MACROD2: variants seen among roughly 807,000 people sequenced by gnomAD.
MACROD2 encodes ADP-ribose glycohydrolase MACROD2.
A neutral mutation model predicts 70.4 loss-of-function variants in MACROD2; 36 were observed. That is an observed-to-expected ratio of 0.51 (90% CI 0.39 to 0.68). The LOEUF (loss-of-function observed/expected upper bound fraction) is 0.68, where lower values mean the gene tolerates loss of function less well. MACROD2 is among the 30% of genes least tolerant of loss of function. The pLI, the probability that MACROD2 is intolerant of heterozygous loss-of-function variation, is 0.00. For missense variants in MACROD2, 496 were observed against 538.4 expected, an observed-to-expected ratio of 0.92 and a Z score of 0.78; for synonymous variants, 172 against 178.8, an observed-to-expected ratio of 0.96 and a Z score of 0.30.
chr20:15,898,154 C>T (rs759688802), intron 10 of MACROD2, among the ~76,000 whole-genome samples: 29 of 152,258 alleles, frequency 1.9e-4, no homozygotes, highest in Non-Finnish European at 3.4e-4. Flanking sequence ...AGGCAAATCT[C>T]CCACTATATT....
At chr20:14,825,746 G>C (rs1032041612) in intron 5 of MACROD2, among the ~76,000 whole-genome samples, 2 of 152,212 alleles carry the variant, frequency 1.3e-5, no homozygotes, top group Middle Eastern at 3.4e-3. Context: ...ACAATAACTT[G>C]TTTTATTCAT....
At chr20:14,901,114 GTTTCA>G (rs1399764742) in intron 5 of MACROD2, among the ~76,000 whole-genome samples, 1 of 151,924 alleles carries the variant, frequency 6.6e-6, no homozygotes, top group Non-Finnish European at 1.5e-5. Flanking sequence ...CATATTTTGA[GTTTCA>G]TTTCAAGACA....
chr20:15,417,615 AAG>A (rs766165126), intron 6 of MACROD2, among the ~76,000 whole-genome samples: 1,403 of 103,126 alleles, frequency 0.014, 24 homozygotes, highest in African/African-American at 0.031. Flanking sequence ...AAAAAAAAAA[AAG>A]AAAGAAAGAA....
At chr20:15,465,161 T>C (rs1189912884) in intron 7 of MACROD2, among the ~76,000 whole-genome samples, 1 of 152,222 alleles carries the variant, frequency 6.6e-6, no homozygotes, top group Non-Finnish European at 1.5e-5. Context: ...CACATTTATA[T>C]GTAGGAATTT....
chr20:14,868,072 A>G (rs1034189073), intron 5 of MACROD2, among the ~76,000 whole-genome samples: 2 of 152,046 alleles, frequency 1.3e-5, no homozygotes, highest in African/African-American at 4.8e-5. Context: ...CTAGAAACAT[A>G]TTAGCCATTC....
intron 5 of MACROD2, among the ~76,000 whole-genome samples, chr20:15,195,534 C>T (rs1260275662): frequency 1.3e-5 from 2 of 151,880 alleles, no homozygotes; most frequent in East Asian, 1.9e-4. Context: ...CAGTGAGATA[C>T]CATCTGATGC....
intron 5 of MACROD2, chr20:14,757,438 TA>T: frequency 4.7e-6 from 2 of 423,758 alleles, no homozygotes; most frequent in Non-Finnish European, 8.5e-6. Context: ...TTCAAAAGAT[TA>T]AAAAGTACAA....
chr20:15,524,019 G>A (rs1385919954), intron 8 of MACROD2, among the ~76,000 whole-genome samples: 5 of 152,130 alleles, frequency 3.3e-5, no homozygotes, highest in Non-Finnish European at 5.9e-5. Flanking sequence ...CCTGCTGTAT[G>A]TACCTCGCCC....
At chr20:15,649,983 A>T (rs2049619562) in intron 8 of MACROD2, among the ~76,000 whole-genome samples, 1 of 152,222 alleles carries the variant, frequency 6.6e-6, no homozygotes, top group Non-Finnish European at 1.5e-5. Context: ...AAACATACCC[A>T]TGACTATTTA....
intron 3 of MACROD2, among the ~76,000 whole-genome samples, chr20:14,118,842 A>AT (rs1225541555): frequency 0.022 from 2,714 of 121,216 alleles, 65 homozygotes; most frequent in African/African-American, 0.05. Flanking sequence ...AGTGACTGTG[A>AT]TTTTTTTTTT....
In MACROD2 at chr20:15,694,133, G is replaced by T. The variant is rs893205328; in HGVS notation, c.646-168612G>T. Among the ~76,000 whole-genome samples, 18 of 152,238 alleles carry T rather than the reference G, an allele frequency of 1.2e-4. No individual in the cohort carries two copies. In the East Asian group the frequency reaches 3.5e-3, roughly 29 times the overall value. ...TTGTTGATTGATGGGCATTTTGGTT[G>T]GTTGCACGGTTTTGCTGTTGTGAAT... is the stretch of plus-strand genomic sequence containing the variant. On this transcript the variant is annotated intron_variant, in intron 8 of 17. Transcript: ENST00000684519.
chr20:15,220,832 G>A (rs2076854038), intron 5 of MACROD2, among the ~76,000 whole-genome samples: 1 of 152,192 alleles, frequency 6.6e-6, no homozygotes, highest in Non-Finnish European at 1.5e-5. Context: ...GACCTGTTTG[G>A]TGAGAGTCAT....
chr20:14,248,359 G>A (rs1361167194), intron 3 of MACROD2, among the ~76,000 whole-genome samples: 3 of 152,230 alleles, frequency 2.0e-5, no homozygotes, highest in Non-Finnish European at 2.9e-5. Context: ...CGAGGCAGGT[G>A]GATCACCTGA....
intron 8 of MACROD2, among the ~76,000 whole-genome samples, chr20:15,519,182 C>T (rs1049831256): frequency 1.3e-5 from 2 of 151,912 alleles, no homozygotes; most frequent in African/African-American, 4.8e-5. Flanking sequence ...ACGACCTCGG[C>T]TCACTGCAAG....
chr20:14,929,047 T>A (rs2074267204), intron 5 of MACROD2, among the ~76,000 whole-genome samples: 1 of 152,204 alleles, frequency 6.6e-6, no homozygotes, highest in South Asian at 2.1e-4. Context: ...ACTAATTAAT[T>A]GCTGACTTTT....
Position 15,616,723 on chromosome 20 carries a change from G to A in MACROD2, c.645+116876G>A, listed in dbSNP as rs181836698. Among the ~76,000 whole-genome samples, 25 of 152,096 alleles carry A rather than the reference G, an allele frequency of 1.6e-4. 1 individual carries two copies. In the East Asian group the frequency reaches 3.1e-3, roughly 19 times the overall value. On this transcript the variant is annotated intron_variant, in intron 8 of 17. Transcript: ENST00000684519. ...TATACAATCTTCTCTACCATCCCTC[G>A]TGCTAGTAAAACTCTTCTTCCAGTT...
chr20:14,180,516 G>T, intron 3 of MACROD2, among the ~76,000 whole-genome samples: 1 of 151,980 alleles, frequency 6.6e-6, no homozygotes, highest in East Asian at 1.9e-4. Flanking sequence ...TTTTGTTGCA[G>T]TTTTCTTTTT....
At chr20:14,938,076 C>A (rs565248744) in intron 5 of MACROD2, among the ~76,000 whole-genome samples, 1 of 125,524 alleles carries the variant, frequency 8.0e-6, no homozygotes, top group South Asian at 2.7e-4. Context: ...ACCATATTTT[C>A]TTTATCCAGT....
At chr20:15,628,755 G>A (rs566958608) in intron 8 of MACROD2, among the ~76,000 whole-genome samples, 1 of 152,346 alleles carries the variant, frequency 6.6e-6, no homozygotes, top group East Asian at 1.9e-4. Context: ...ATGACTGAAA[G>A]TCTGGGTTCA....
Sources: allele counts gnomAD v4.1 joint callset (sites outside exome capture counted in the v4.1 genomes callset), GRCh38; gene constraint gnomAD v4.1.1; transcripts MANE v1.5; gene names NCBI Gene and HGNC (gene_info 2026-07-23, HGNC 2026-07-21).